The following TUFT1 variants were observed in gnomAD, a reference collection of about 807,000 sequenced individuals.
TUFT1 encodes tuftelin.
TUFT1 carries 43 observed loss-of-function variants against 57.8 expected under a neutral mutation model. That is an observed-to-expected ratio of 0.74 (90% CI 0.58 to 0.96). The LOEUF (loss-of-function observed/expected upper bound fraction) is 0.96, where lower values mean the gene tolerates loss of function less well. TUFT1 is among the 40% of genes least tolerant of loss of function. The pLI is 0.00. For missense variants in TUFT1, 459 were observed against 489.0 expected (o/e 0.94, Z 0.58); for synonymous variants, 166 against 176.7 (o/e 0.94, Z 0.48).
chr1:151,562,159 C>T lies in TUFT1; in HGVS notation c.129C>T (p.Ala43=). 1 of 1,613,902 alleles carries T rather than the reference C, an allele frequency of 6.2e-7. No individual in the cohort carries two copies. The highest frequency in any genetic ancestry group is 8.5e-7 in the Non-Finnish European group (1 of 1,179,882). ...CAGGAGATGAACTTGAACACATAGC[C>T]CAGAAGGTACTGCGGAATTCTGGTG... The part of the protein sequence containing the change: ...ELTGDELEHI[A]QKAGRKTYAM... Residue 43 remains alanine, a synonymous_variant, in exon 2 of 13, where the codon GCC becomes GCT. Transcript: ENST00000368849.
chr1:151,555,446 T>C (rs1236842056), intron 1 of TUFT1, among the ~76,000 whole-genome samples: 2 of 150,248 alleles, frequency 1.3e-5, no homozygotes, highest in African/African-American at 2.4e-5. Context: ...TGCAAGTACT[T>C]GAAGGAATAT....
At chr1:151,554,184 T>G (rs1665598618) in intron 1 of TUFT1, among the ~76,000 whole-genome samples, 1 of 152,216 alleles carries the variant, frequency 6.6e-6, no homozygotes, top group Admixed American at 6.5e-5. Flanking sequence ...ATAAAGAAAT[T>G]AATGTTGGTA....
chr1:151,576,656 G>A (rs918849354), intron 9 of TUFT1, among the ~76,000 whole-genome samples: 10 of 152,006 alleles, frequency 6.6e-5, no homozygotes, highest in Admixed American at 5.9e-4. Context: ...TTTTCGAGAC[G>A]GAGTCTCACT....
chr1:151,553,963 A>G (rs1414362996), intron 1 of TUFT1, among the ~76,000 whole-genome samples: 1 of 152,168 alleles, frequency 6.6e-6, no homozygotes, highest in Non-Finnish European at 1.5e-5. Flanking sequence ...TATCCTCACA[A>G]TGATGTGTCT....
In TUFT1 at chr1:151,540,325, C is replaced by T. The variant is rs375539639; in HGVS notation, c.-42C>T. 2.5e-5 allele frequency: 41 copies of T among 1,613,056 alleles called. No individual in the cohort carries two copies. The highest frequency in any genetic ancestry group is 4.0e-5 in the African/African-American group (3 of 74,910). ...CGCCCGCCCAGTTGGAGCCAGACAG[C>T]GGGGTGGACAAGTGGCGTGTGTGCT... On this transcript the variant is annotated 5_prime_UTR_variant, in exon 1 of 13. Transcript: ENST00000368849.
At chr1:151,543,667 T>TTAC (rs1381162603) in intron 1 of TUFT1, among the ~76,000 whole-genome samples, 1 of 152,130 alleles carries the variant, frequency 6.6e-6, no homozygotes, top group African/African-American at 2.4e-5. Flanking sequence ...CGATGGAGGC[T>TTAC]TACTACTATT....
chr1:151,569,830 C>T, intron 7 of TUFT1, 60 bp downstream of exon 7: 1 of 1,336,286 alleles, frequency 7.5e-7, no homozygotes, highest in Non-Finnish European at 1.1e-6. Flanking sequence ...ACACAGGTGC[C>T]AGTGATGTCT....
At chr1:151,541,517 C>G (rs553361136) in intron 1 of TUFT1, among the ~76,000 whole-genome samples, 1 of 152,162 alleles carries the variant, frequency 6.6e-6, no homozygotes, top group Admixed American at 6.5e-5. Context: ...TATCATCCCC[C>G]CTCCCACATC....
At chr1:151,562,454 T>C (rs758251210) in intron 2 of TUFT1, 131 bp from the exon 3 acceptor site, 14 of 829,140 alleles carry the variant, frequency 1.7e-5, no homozygotes, top group Non-Finnish European at 2.7e-5. Flanking sequence ...GAGAGGAAAG[T>C]CAGACTAATC....
intron 1 of TUFT1, among the ~76,000 whole-genome samples, chr1:151,549,461 T>G (rs923950552): frequency 1.3e-5 from 2 of 152,138 alleles, no homozygotes; most frequent in African/African-American, 2.4e-5. Context: ...CATTAGACAA[T>G]TTACCTCATC....
At chr1:151,570,349 T>C (rs1666218516) in intron 7 of TUFT1, among the ~76,000 whole-genome samples, 1 of 152,214 alleles carries the variant, frequency 6.6e-6, no homozygotes, top group South Asian at 2.1e-4. Context: ...TGGCGCAATC[T>C]TGGCTCACTG....
Position 151,582,757 on chromosome 1 carries a change from G to A in TUFT1, c.*1050G>A, listed in dbSNP as rs1666681634. 6.5e-6 allele frequency: 1 copy of A among 153,900 alleles called. No homozygotes were observed. Among genetic ancestry groups the A allele is most frequent in the African/African-American group, 2.4e-5 (1 of 41,380 alleles). The allele number at this position is 153,900 out of a possible 1,614,324, so 9.5% of individuals were successfully genotyped here. On this transcript the variant is annotated 3_prime_UTR_variant, in exon 13 of 13. Transcript: ENST00000368849. ...CTTGCTCTGCAGCTAAGGAAGGTGAGTCTACTTTCCCTGAGGCTTTGGGGT... is the reference window on the plus strand; with the variant it reads ...CTTGCTCTGCAGCTAAGGAAGGTGAATCTACTTTCCCTGAGGCTTTGGGGT...
chr1:151,546,009 T>C (rs1427862396), intron 1 of TUFT1: 3 of 218,764 alleles, frequency 1.4e-5, no homozygotes, highest in African/African-American at 7.8e-5. Context: ...TTTTCTTTTT[T>C]TTTTTTTTCT....
At chr1:151,548,961 T>A (rs1558001632) in intron 1 of TUFT1, among the ~76,000 whole-genome samples, 1 of 152,180 alleles carries the variant, frequency 6.6e-6, no homozygotes. Flanking sequence ...TCCTTATCTC[T>A]GCTGTGGCGT....
intron 1 of TUFT1, 99 bp from the exon 2 acceptor site, chr1:151,561,992 G>A (rs1227541078): frequency 1.1e-5 from 16 of 1,467,440 alleles, no homozygotes; most frequent in Admixed American, 1.8e-5. Context: ...GATAAGACCC[G>A]CTCCACAGAG....
Position 151,569,787 on chromosome 1 carries a change from G to A in TUFT1, c.594+17G>A, listed in dbSNP as rs377496537. The A allele has an allele frequency of 1.9e-6, 3 of 1,604,580 alleles. No homozygotes were observed. The highest frequency in any genetic ancestry group is 1.3e-5 in the African/African-American group (1 of 74,846). ...GCTTTTGAGGTGAGATTTGGGATTT[G>A]GGGAGAAGGTGCCCTAAGGGATGGG... On this transcript the variant is annotated intron_variant, in intron 7 of 12. Coordinates refer to ENST00000368849, the MANE Select transcript of TUFT1 (RefSeq NM_020127.3).
chr1:151,541,769 A>G (rs1470677859), intron 1 of TUFT1, among the ~76,000 whole-genome samples: 1 of 152,186 alleles, frequency 6.6e-6, no homozygotes, highest in Non-Finnish European at 1.5e-5. Flanking sequence ...AGCCTGCCAC[A>G]TCCCCAGCTA....
Position 151,581,684 on chromosome 1 carries a change from G to T in TUFT1, c.1150G>T (p.Val384Phe). 1 of 1,614,152 alleles carries T rather than the reference G, an allele frequency of 6.2e-7. No homozygotes were observed. Among genetic ancestry groups the T allele is most frequent in the South Asian group, 1.1e-5 (1 of 91,086 alleles). ...SKPPSPKPMP[V>F]IRVVET ...GCCGCCTAGCCCGAAGCCCATGCCT[G>T]TCATCCGAGTGGTGGAAACCTGAGC... The change falls in exon 13 of 13, where the codon GTC becomes TTC. Residue 384 changes from valine (V) to phenylalanine (F), a missense_variant. Physicochemically the swap from Val to Phe is conservative, Grantham distance 50 (BLOSUM62 -1). Coordinates refer to ENST00000368849, the MANE Select transcript of TUFT1 (RefSeq NM_020127.3).
chr1:151,574,842 C>T (rs916335571), intron 8 of TUFT1, 69 bp from the exon 9 acceptor site: 7 of 1,363,650 alleles, frequency 5.1e-6, no homozygotes, highest in Middle Eastern at 1.8e-4. Flanking sequence ...AGCCTGGCGC[C>T]CATCTTAGCC....
Sources: gnomAD v4.1 joint callset for allele counts (sites outside exome capture counted in the v4.1 genomes callset) on GRCh38, gnomAD v4.1.1 for gene constraint, MANE v1.5 for transcripts, NCBI Gene and HGNC (gene_info 2026-07-23, HGNC 2026-07-21) for gene names.